SYNPO2: variants seen among roughly 807,000 people sequenced by gnomAD.
The protein encoded by SYNPO2 is synaptopodin 2.
In SYNPO2, 56 loss-of-function variants were observed where a neutral mutation model predicts 85.0. That is an observed-to-expected ratio of 0.66 (90% CI 0.53 to 0.82). SYNPO2 has a LOEUF of 0.82. SYNPO2 is among the 40% of genes least tolerant of loss of function. The pLI is 0.00. For synonymous variants in SYNPO2, 602 were observed against 591.1 expected, an observed-to-expected ratio of 1.02 and a Z score of -0.27; for missense variants, 1,575 against 1,534.2, an observed-to-expected ratio of 1.03 and a Z score of -0.44.
intron 1 of SYNPO2, among the ~76,000 whole-genome samples, chr4:118,977,005 G>T (rs550146621): frequency 3.3e-5 from 5 of 152,238 alleles, no homozygotes; most frequent in East Asian, 1.9e-4. Flanking sequence ...ATCCCGCACC[G>T]GGGCTGCAGC....
chr4:118,928,265 G>T (rs991885665), intron 1 of SYNPO2, among the ~76,000 whole-genome samples: 1 of 152,178 alleles, frequency 6.6e-6, no homozygotes, highest in Non-Finnish European at 1.5e-5. Flanking sequence ...CCATGTAGGG[G>T]TTTATTAGCT....
intron 1 of SYNPO2, among the ~76,000 whole-genome samples, chr4:118,915,535 C>A (rs1733287196): frequency 6.6e-6 from 1 of 152,072 alleles, no homozygotes; most frequent in Non-Finnish European, 1.5e-5. Context: ...TTTATTTTTT[C>A]TAATGTGTAA....
chr4:118,865,911 A>C (rs1187441647), intron 1 of SYNPO2, among the ~76,000 whole-genome samples: 2 of 152,178 alleles, frequency 1.3e-5, no homozygotes, highest in Non-Finnish European at 2.9e-5. Context: ...CATAAGGTAA[A>C]TGATAAAGTG....
rs189313829 is a variant in SYNPO2 at position 119,027,722 on chromosome 4, C to G, written c.1069+284C>G. Among the ~76,000 whole-genome samples, 11 of 152,204 alleles carry G rather than the reference C, an allele frequency of 7.2e-5. No individual in the cohort carries two copies. The East Asian group carries it at 1.9e-3, about 27-fold the overall frequency. On this transcript the variant is annotated intron_variant, in intron 3 of 4. Transcript: ENST00000307142. The stretch of plus-strand genomic sequence containing the variant: ...AAAGAAAATAATATTGTCAATGTGC[C>G]TGTTCATTTTGTTTCAGACAGTTGA...
intron 1 of SYNPO2, among the ~76,000 whole-genome samples, chr4:118,962,929 T>A (rs546645648): frequency 8.5e-4 from 130 of 152,332 alleles, no homozygotes; most frequent in Middle Eastern, 6.8e-3. Context: ...CAGGTGGAAT[T>A]GTGGGTGCAG....
intron 4 of SYNPO2, chr4:119,034,360 G>C (rs1263082407): frequency 1.0e-6 from 1 of 976,498 alleles, no homozygotes; most frequent in Non-Finnish European, 1.2e-6. Context: ...AGTATTTCCA[G>C]TTGTCTAGTG....
chr4:118,950,825 G>A (rs1386762520), intron 1 of SYNPO2, among the ~76,000 whole-genome samples: 1 of 152,196 alleles, frequency 6.6e-6, no homozygotes, highest in Non-Finnish European at 1.5e-5. Flanking sequence ...GTTAATAAAA[G>A]GTTGAGTCTC....
intron 1 of SYNPO2, among the ~76,000 whole-genome samples, chr4:118,914,324 T>C (rs1194040338): frequency 6.6e-6 from 1 of 152,120 alleles, no homozygotes; most frequent in African/African-American, 2.4e-5. Context: ...AGAGGAAATC[T>C]AGGGATAATA....
At chr4:118,903,992 A>G (rs2149120492) in intron 1 of SYNPO2, among the ~76,000 whole-genome samples, 1 of 152,334 alleles carries the variant, frequency 6.6e-6, no homozygotes, top group African/African-American at 2.4e-5. Context: ...CTAGGATTAC[A>G]GGCATGAGCC....
chr4:118,984,657 G>A (rs1289431370), intron 1 of SYNPO2, among the ~76,000 whole-genome samples: 2 of 152,084 alleles, frequency 1.3e-5, no homozygotes, highest in African/African-American at 4.8e-5. Context: ...CACCTCAGAT[G>A]GCACCAATTC....
At chr4:118,863,280 A>G (rs1477618788) in intron 1 of SYNPO2, among the ~76,000 whole-genome samples, 1 of 152,198 alleles carries the variant, frequency 6.6e-6, no homozygotes, top group African/African-American at 2.4e-5. Context: ...TGAAGGCTTC[A>G]GGCCCCGATC....
At chr4:118,999,174 G>T (rs1404637349) in intron 1 of SYNPO2, among the ~76,000 whole-genome samples, 1 of 152,108 alleles carries the variant, frequency 6.6e-6, no homozygotes, top group Middle Eastern at 3.2e-3. Flanking sequence ...TCGAGACAGG[G>T]TCTCACTCTG....
chr4:118,922,067 T>A (rs1171882960), intron 1 of SYNPO2, among the ~76,000 whole-genome samples: 1 of 152,158 alleles, frequency 6.6e-6, no homozygotes, highest in African/African-American at 2.4e-5. Context: ...CATCTTTATA[T>A]CCTTAGTGAC....
intron 1 of SYNPO2, among the ~76,000 whole-genome samples, chr4:118,998,006 G>A (rs1400904071): frequency 1.3e-5 from 2 of 152,162 alleles, no homozygotes; most frequent in South Asian, 2.1e-4. Flanking sequence ...GGGGAATTGA[G>A]GAGAAAGGAG....
intron 1 of SYNPO2, among the ~76,000 whole-genome samples, chr4:118,909,347 G>C (rs1272095109): frequency 6.6e-6 from 1 of 152,130 alleles, no homozygotes; most frequent in Non-Finnish European, 1.5e-5. Flanking sequence ...AGGCTAAAAA[G>C]ATGTCCCTGG....
Position 118,888,985 on chromosome 4 carries a change from A to G in SYNPO2, c.-52A>G. The G allele has an allele frequency of 3.8e-6, 6 of 1,587,548 alleles. No homozygotes were observed. In the Admixed American group the frequency reaches 5.0e-5, roughly 13 times the overall value. ...TGAGTGCGCATCCTCTACCGCACCC[A>G]AGCTTCGTCTGTCTCGTCAAGCTCT... On this transcript the variant is annotated 5_prime_UTR_variant, in exon 1 of 5. Transcript: ENST00000307142.
chr4:119,058,375 AT>A lies in SYNPO2; in HGVS notation c.*442del, dbSNP rs1318700220. On this transcript the variant is annotated 3_prime_UTR_variant, in exon 5 of 5. Transcript: ENST00000307142. Reference sequence around the variant, plus strand: ...TATCACTACCTATAACATGAGGAATATAACATTGCAGAAATTTCTCATAGGG... The same window carrying A: ...TATCACTACCTATAACATGAGGAATAAACATTGCAGAAATTTCTCATAGGG... The A allele has an allele frequency of 6.5e-6, 1 of 153,270 alleles. No homozygotes were observed. Among genetic ancestry groups the A allele is most frequent in the African/African-American group, 2.4e-5 (1 of 41,414 alleles). The allele number at this position is 153,270 out of a possible 1,614,324, so 9.5% of individuals were successfully genotyped here. A position where few individuals can be genotyped will look rare whatever the true frequency, so the allele number is the denominator to read the frequency against.
At chr4:118,964,832 T>A (rs1735251252) in intron 1 of SYNPO2, among the ~76,000 whole-genome samples, 1 of 152,136 alleles carries the variant, frequency 6.6e-6, no homozygotes, top group African/African-American at 2.4e-5. Flanking sequence ...ATCAAGAAAC[T>A]CAGTCCAAAG....
chr4:118,985,555 T>C (rs751392879), intron 1 of SYNPO2, among the ~76,000 whole-genome samples: 1 of 152,228 alleles, frequency 6.6e-6, no homozygotes, highest in African/African-American at 2.4e-5. Context: ...CAAGAAAACA[T>C]TGAGACTTGC....
Sources: allele counts gnomAD v4.1 joint callset (sites outside exome capture counted in the v4.1 genomes callset), GRCh38; gene constraint gnomAD v4.1.1; transcripts MANE v1.5; gene names NCBI Gene and HGNC (gene_info 2026-07-23, HGNC 2026-07-21).